The following RNASEH1 variants were observed in gnomAD, a reference collection of about 807,000 sequenced individuals.
RNASEH1 encodes ribonuclease H type II.
Under a neutral mutation model 34.6 loss-of-function variants are expected in RNASEH1, and 27 were observed. The ratio of observed to expected loss-of-function variants is 0.78; its 90% CI spans 0.58 to 1.08. The LOEUF (loss-of-function observed/expected upper bound fraction) is 1.08. Among genes scored for constraint, RNASEH1 ranks in the 50% least tolerant of loss-of-function variants. The probability of loss-of-function intolerance (pLI) is 0.00; values close to 1 mark genes in which losing one functional copy is unlikely to be tolerated. For missense variants in RNASEH1, 349 were observed against 373.6 expected, an observed-to-expected ratio of 0.93 and a Z score of 0.54; for synonymous variants, 162 against 138.4, an observed-to-expected ratio of 1.17 and a Z score of -1.20.
chr2:3,548,804 T>C (rs1669005083), intron 5 of RNASEH1, 80 bp from the exon 6 acceptor site: 4 of 990,194 alleles, frequency 4.0e-6, no homozygotes, highest in Admixed American at 3.6e-5. Flanking sequence ...ACTTCGAAAT[T>C]GAAACATCCC....
chr2:3,532,367 G>A, the RNASEH1 span: 1 of 702,178 alleles, frequency 1.4e-6, no homozygotes, highest in Admixed American at 2.0e-5. Flanking sequence ...GCCAGCCAGA[G>A]AGGGCCCGAT....
At chr2:3,557,848 A>T in intron 1 of RNASEH1, 1 of 1,424,682 alleles carries the variant, frequency 7.0e-7, no homozygotes, top group Non-Finnish European at 9.4e-7. Flanking sequence ...CTTTAACTGC[A>T]ACAAAGATGG....
chr2:3,535,933 A>G, the RNASEH1 span, among the ~76,000 whole-genome samples: 1 of 152,194 alleles, frequency 6.6e-6, no homozygotes, highest in African/African-American at 2.4e-5. Context: ...GGCAAACTGA[A>G]CAGGGTAGGA....
At chr2:3,553,669 C>T (rs755932253) in intron 2 of RNASEH1, among the ~76,000 whole-genome samples, 2 of 152,160 alleles carry the variant, frequency 1.3e-5, no homozygotes, top group East Asian at 1.9e-4. Context: ...GGATTACAGG[C>T]GTGAGCCGCT....
chr2:3,551,009 C>T (rs1324606189), intron 3 of RNASEH1, among the ~76,000 whole-genome samples: 1 of 152,210 alleles, frequency 6.6e-6, no homozygotes, highest in African/African-American at 2.4e-5. Context: ...CTGTAAAGAA[C>T]AAGGTAAAAA....
At position 3,545,760 on chromosome 2, in the gene RNASEH1, C is replaced by T. The variant is rs1485362440; in HGVS notation, c.*25G>A. ...AGCAAGACAGCCGCTGGCTCAAGTT[C>T]TCCCAAGGACTAAAGTCACATGGCT... On this transcript the variant is annotated 3_prime_UTR_variant, in exon 8 of 8. Coordinates refer to ENST00000315212, the MANE Select transcript of RNASEH1 (RefSeq NM_002936.6). The T allele has an allele frequency of 1.9e-6, 3 of 1,554,336 alleles. No individual in the cohort carries two copies. The highest frequency in any genetic ancestry group is 1.1e-5 in the South Asian group (1 of 89,898).
At chr2:3,553,023 A>G (rs926600421) in intron 2 of RNASEH1, among the ~76,000 whole-genome samples, 1 of 152,064 alleles carries the variant, frequency 6.6e-6, no homozygotes, top group Non-Finnish European at 1.5e-5. Flanking sequence ...CGAGGCGGGC[A>G]GATCATTTGA....
chr2:3,557,944 T>A (rs1432375885), intron 1 of RNASEH1, 189 bp downstream of exon 1: 1 of 1,524,044 alleles, frequency 6.6e-7, no homozygotes, highest in Non-Finnish European at 8.8e-7. Context: ...TGCGTTCCAG[T>A]CCCAGGCCAT....
At position 3,543,305 on chromosome 2, in the gene RNASEH1, C is replaced by T. The variant is rs1668450036; in HGVS notation, c.*2480G>A. ...AACCACTTTTGGTCCTGAGTGCTAC[C>T]CAGCTGAAGAAACTATTTTCTGCTC... is the stretch of plus-strand genomic sequence containing the variant. On this transcript the variant is annotated 3_prime_UTR_variant, in exon 8 of 8. Transcript: ENST00000315212. Among the ~76,000 whole-genome samples the T allele has an allele frequency of 1.3e-5, 2 of 152,180 alleles. No individual in the cohort carries two copies. The highest frequency in any genetic ancestry group is 4.1e-4 in the South Asian group (2 of 4,828).
intron 2 of RNASEH1, among the ~76,000 whole-genome samples, chr2:3,554,360 A>G (rs766303518): frequency 5.9e-5 from 9 of 151,646 alleles, no homozygotes; most frequent in East Asian, 1.9e-4. Flanking sequence ...TACAGAACAG[A>G]TAAGACTTGG....
chr2:3,539,123 T>C (rs1668153529), downstream of RNASEH1, among the ~76,000 whole-genome samples: 1 of 152,232 alleles, frequency 6.6e-6, no homozygotes, highest in Non-Finnish European at 1.5e-5. Context: ...TTTCCTAGTT[T>C]GTTTTTGCTT....
Position 3,542,387 on chromosome 2 carries a change from T to C in RNASEH1, c.*3398A>G, listed in dbSNP as rs1668376564. On this transcript the variant is annotated 3_prime_UTR_variant, in exon 8 of 8. Coordinates refer to ENST00000315212, the MANE Select transcript of RNASEH1 (RefSeq NM_002936.6). ...TGTCAGGGGAAGAAAACAAGATTCA[T>C]CAGGCTTTTCATGCATCACTTTATG... Among the ~76,000 whole-genome samples, 1 of 152,178 alleles carries C rather than the reference T, an allele frequency of 6.6e-6. No individual in the cohort carries two copies. The highest frequency in any genetic ancestry group is 1.5e-5 in the Non-Finnish European group (1 of 68,032).
At chr2:3,536,449 T>G (rs1667993370), downstream of RNASEH1, among the ~76,000 whole-genome samples, 1 of 152,222 alleles carries the variant, frequency 6.6e-6, no homozygotes, top group Non-Finnish European at 1.5e-5. Context: ...GGCTCTGACC[T>G]TGGGCTCTGT....
At chr2:3,551,172 C>T (rs142277863) in intron 3 of RNASEH1, among the ~76,000 whole-genome samples, 7 of 152,360 alleles carry the variant, frequency 4.6e-5, no homozygotes, top group South Asian at 2.1e-4. Context: ...GTCCGAAGGA[C>T]GGCAGACTGA....
chr2:3,538,210 G>C (rs1347257515), downstream of RNASEH1, among the ~76,000 whole-genome samples: 1 of 151,450 alleles, frequency 6.6e-6, no homozygotes, highest in African/African-American at 2.4e-5. Flanking sequence ...AAGTAGCCGG[G>C]CGTGGTGTTG....
the RNASEH1 span, among the ~76,000 whole-genome samples, chr2:3,532,496 G>C: frequency 1.3e-5 from 2 of 152,108 alleles, no homozygotes; most frequent in Non-Finnish European, 2.9e-5. Flanking sequence ...GGTGTCCTTA[G>C]GTGATTTCAC....
chr2:3,556,867 C>A lies in RNASEH1; in HGVS notation c.166G>T (p.Ala56Ser). 6.2e-7 allele frequency: 1 copy of A among 1,614,118 alleles called. No homozygotes were observed. Among genetic ancestry groups the A allele is most frequent in the African/African-American group, 1.3e-5 (1 of 75,050 alleles). ...CRAQVDRFPA[A>S]RFKKFATEDE... ...TCTGTGGCAAACTTCTTAAATCTGG[C>A]AGCAGGAAACCGGTCCACCTGTGCT... The change falls in exon 2 of 8, where the codon GCC becomes TCC. Residue 56 changes from alanine to serine, a missense_variant. By Grantham distance (99) the Ala-to-Ser change is moderately conservative (BLOSUM62 1). Coordinates refer to ENST00000315212, the MANE Select transcript of RNASEH1 (RefSeq NM_002936.6).
At position 3,558,317 on chromosome 2, in the gene RNASEH1, C is replaced by T. The variant is rs1660771549; in HGVS notation, c.-57G>A. Reference sequence around the variant, plus strand: ...CTCCCGGCCCAGCGTGGGCGCGAGCCGCCGGCGCTCAACACCGCACTTCCG... The same window carrying T: ...CTCCCGGCCCAGCGTGGGCGCGAGCTGCCGGCGCTCAACACCGCACTTCCG... On this transcript the variant is annotated 5_prime_UTR_variant, in exon 1 of 8. Transcript: ENST00000315212. 6.8e-7 allele frequency: 1 copy of T among 1,468,508 alleles called. No homozygotes were observed. Among genetic ancestry groups the T allele is most frequent in the African/African-American group, 1.5e-5 (1 of 68,318 alleles). The allele number at this position is 1,468,508 out of a possible 1,614,324, so 91.0% of individuals were successfully genotyped here.
intron 4 of RNASEH1, 176 bp downstream of exon 4, chr2:3,550,197 G>A (rs1162963998): frequency 4.2e-5 from 21 of 500,330 alleles, no homozygotes; most frequent in Admixed American, 3.4e-4. Flanking sequence ...GGTACCTCAC[G>A]TTCTGAAAAG....
Sources: allele counts gnomAD v4.1 joint callset (sites outside exome capture counted in the v4.1 genomes callset), GRCh38; gene constraint gnomAD v4.1.1; transcripts MANE v1.5; gene names NCBI Gene and HGNC (gene_info 2026-07-23, HGNC 2026-07-21).